Variants in PTCHD4 observed in about 807,000 individuals in gnomAD.
PTCHD4 encodes patched domain containing 4.
A neutral mutation model predicts 58.1 loss-of-function variants in PTCHD4; 33 were observed. The observed-to-expected ratio is 0.57, with a 90% confidence interval of 0.43 to 0.76. The LOEUF (loss-of-function observed/expected upper bound fraction) is 0.76, where lower values mean the gene tolerates loss of function less well. PTCHD4 is among the 30% of genes least tolerant of loss of function. PTCHD4 has a pLI of 0.00. For synonymous variants in PTCHD4, 478 were observed against 409.6 expected (o/e 1.17, Z -2.02); for missense variants, 1,058 against 1,027.1 (o/e 1.03, Z -0.41).
At chr6:47,907,688 AC>A (rs1260353721) in intron 4 of PTCHD4, among the ~76,000 whole-genome samples, 1 of 152,166 alleles carries the variant, frequency 6.6e-6, no homozygotes, top group African/African-American at 2.4e-5. Context: ...AATATTTTTG[AC>A]AATAGTCGCC....
intron 4 of PTCHD4, among the ~76,000 whole-genome samples, chr6:47,931,645 A>G (rs996612766): frequency 2.0e-5 from 3 of 152,252 alleles, no homozygotes; most frequent in Non-Finnish European, 2.9e-5. Flanking sequence ...AAATGTGAAT[A>G]TGCTTAAAAA....
At chr6:47,884,620 T>C (rs1417660779) in intron 4 of PTCHD4, among the ~76,000 whole-genome samples, 1 of 152,222 alleles carries the variant, frequency 6.6e-6, no homozygotes, top group Non-Finnish European at 1.5e-5. Flanking sequence ...TCCTAACTGT[T>C]CTTTGAGTCT....
At chr6:48,019,130 C>T (rs1397674674) in intron 3 of PTCHD4, among the ~76,000 whole-genome samples, 3 of 152,280 alleles carry the variant, frequency 2.0e-5, no homozygotes, top group South Asian at 2.1e-4. Context: ...TGAGAACCTT[C>T]GGCATTCTAG....
At chr6:47,966,436 G>A (rs144949148) in intron 4 of PTCHD4, among the ~76,000 whole-genome samples, 1 of 152,204 alleles carries the variant, frequency 6.6e-6, no homozygotes, top group Admixed American at 6.5e-5. Flanking sequence ...TTGCCTCAAT[G>A]TTGATGGTGC....
At position 48,069,154 on chromosome 6, in the gene PTCHD4, G is replaced by A. The variant is rs1250295820; in HGVS notation, c.-197C>T. 1.1e-5 allele frequency among the ~76,000 whole-genome samples: 1 copy of A among 95,026 alleles called. No individual in the cohort carries two copies. Among genetic ancestry groups the A allele is most frequent in the Non-Finnish European group, 2.3e-5 (1 of 43,704 alleles). 62.3% of individuals were successfully genotyped at this position (95,026 alleles called of 152,430 possible). ...GTGCCCCATAAAGGGGGGGGGGGCT[G>A]AGGGGGGGAGAGGAGGGAGAAGGGC... is the stretch of plus-strand genomic sequence containing the variant. On this transcript the variant is annotated 5_prime_UTR_variant, in exon 2 of 5. It introduces an in-frame stop codon into an upstream open reading frame of the 5' UTR. Coordinates refer to ENST00000339488, the MANE Select transcript of PTCHD4 (RefSeq NM_001384253.1).
Position 47,913,121 on chromosome 6 carries a change from T to C in PTCHD4, c.899-33185A>G, listed in dbSNP as rs536398180. ...TGGATCCTGGGTCCAGTCCTGGCCC[T>C]ACCCCATATTGGTTGTGTCACTTTG... On this transcript the variant is annotated intron_variant, in intron 4 of 4. Coordinates refer to ENST00000339488, the MANE Select transcript of PTCHD4 (RefSeq NM_001384253.1). Among the ~76,000 whole-genome samples the C allele has an allele frequency of 2.0e-5, 3 of 152,244 alleles. No homozygotes were observed. The South Asian group carries it at 6.2e-4, about 32-fold the overall frequency.
chr6:48,109,280 T>C (rs1315670327), intron 1 of PTCHD4, among the ~76,000 whole-genome samples: 1 of 152,130 alleles, frequency 6.6e-6, no homozygotes, highest in East Asian at 1.9e-4. Context: ...ATAACACCAG[T>C]ACCACAAGAC....
chr6:48,065,667 A>G (rs1764769776), intron 3 of PTCHD4, among the ~76,000 whole-genome samples: 1 of 152,164 alleles, frequency 6.6e-6, no homozygotes, highest in Non-Finnish European at 1.5e-5. Context: ...ATTATATTTT[A>G]AATATTCCAT....
rs374448652 is a variant in PTCHD4 at position 47,862,447 on chromosome 6, G to A, written c.*15856C>T. Among the ~76,000 whole-genome samples, 1 of 151,552 alleles carries A rather than the reference G, an allele frequency of 6.6e-6. No individual in the cohort carries two copies. The highest frequency in any genetic ancestry group is 1.5e-5 in the Non-Finnish European group (1 of 67,780). Reference sequence around the variant, plus strand: ...CAAAATTTTTCAATTATTCTAGAATGCTATATCATTTTCAAAAGAATGAAA... The same window carrying A: ...CAAAATTTTTCAATTATTCTAGAATACTATATCATTTTCAAAAGAATGAAA... On this transcript the variant is annotated 3_prime_UTR_variant, in exon 5 of 5. Transcript: ENST00000339488.
intron 4 of PTCHD4, among the ~76,000 whole-genome samples, chr6:47,909,458 C>T (rs1404370808): frequency 3.9e-5 from 6 of 152,156 alleles, no homozygotes; most frequent in African/African-American, 1.4e-4. Context: ...GTTATATGCT[C>T]AAAACCTTAT....
At chr6:47,933,292 G>C (rs546093659) in intron 4 of PTCHD4, among the ~76,000 whole-genome samples, 1 of 152,330 alleles carries the variant, frequency 6.6e-6, no homozygotes, top group East Asian at 1.9e-4. Flanking sequence ...CATTTTCTAA[G>C]AGCAAGCATG....
intron 4 of PTCHD4, among the ~76,000 whole-genome samples, chr6:47,987,232 CA>C (rs1316255847): frequency 2.4e-5 from 3 of 124,622 alleles, no homozygotes; most frequent in African/African-American, 3.2e-5. Context: ...GGCTTAAAAA[CA>C]CACACTGGGA....
At chr6:48,107,092 A>G (rs1437927017) in intron 1 of PTCHD4, among the ~76,000 whole-genome samples, 1 of 151,548 alleles carries the variant, frequency 6.6e-6, no homozygotes, top group South Asian at 2.1e-4. Flanking sequence ...CAGAATTGGA[A>G]AAAACTACTT....
At chr6:48,106,651 G>T (rs1302592757) in intron 1 of PTCHD4, among the ~76,000 whole-genome samples, 1 of 152,118 alleles carries the variant, frequency 6.6e-6, no homozygotes, top group African/African-American at 2.4e-5. Flanking sequence ...AGGAAAAGAG[G>T]AAGTCAAATT....
chr6:47,907,299 C>T (rs980370281), intron 4 of PTCHD4, among the ~76,000 whole-genome samples: 3 of 152,144 alleles, frequency 2.0e-5, no homozygotes, highest in African/African-American at 7.2e-5. Context: ...AGAAGCACAA[C>T]CACTGTGTAG....
At chr6:48,074,185 T>G (rs902679007) in intron 1 of PTCHD4, among the ~76,000 whole-genome samples, 48 of 152,082 alleles carry the variant, frequency 3.2e-4, no homozygotes, top group African/African-American at 1.1e-3. Flanking sequence ...TTTTACATTT[T>G]AGAGGCAATT....
intron 4 of PTCHD4, among the ~76,000 whole-genome samples, chr6:47,921,423 C>A (rs919943861): frequency 6.6e-6 from 1 of 152,068 alleles, no homozygotes; most frequent in Non-Finnish European, 1.5e-5. Flanking sequence ...ATCTCTTACC[C>A]AAATATCCAT....
chr6:47,965,116 T>C (rs577501234), intron 4 of PTCHD4, among the ~76,000 whole-genome samples: 1 of 152,332 alleles, frequency 6.6e-6, no homozygotes, highest in South Asian at 2.1e-4. Flanking sequence ...TACCATTCTG[T>C]GCATTTTTAA....
At chr6:48,056,896 C>T (rs931709184) in intron 3 of PTCHD4, among the ~76,000 whole-genome samples, 5 of 152,132 alleles carry the variant, frequency 3.3e-5, no homozygotes, top group East Asian at 1.9e-4. Flanking sequence ...TCTCATGGTG[C>T]CATTTTTGTC....
Sources: allele counts gnomAD v4.1 joint callset (sites outside exome capture counted in the v4.1 genomes callset), GRCh38; gene constraint gnomAD v4.1.1; transcripts MANE v1.5; gene names NCBI Gene and HGNC (gene_info 2026-07-23, HGNC 2026-07-21).